The following SNRPN variants were observed in gnomAD, a reference collection of about 807,000 sequenced individuals.
The protein encoded by SNRPN is small nuclear ribonucleoprotein polypeptide N.
SNRPN carries 7 observed loss-of-function variants against 25.2 expected under a neutral mutation model. The observed-to-expected ratio is 0.28, with a 90% CI of 0.16 to 0.52. The LOEUF (loss-of-function observed/expected upper bound fraction) is 0.52, where lower values mean the gene tolerates loss of function less well. SNRPN is among the 20% of genes least tolerant of loss of function. SNRPN has a pLI of 0.96. For missense variants in SNRPN, 196 were observed against 322.5 expected (o/e 0.61, Z 3.00); for synonymous variants, 124 against 110.6 (o/e 1.12, Z -0.76).
intron 2 of SNRPN, among the ~76,000 whole-genome samples, chr15:24,910,567 C>T (rs1291443793): frequency 6.6e-6 from 1 of 152,132 alleles, no homozygotes; most frequent in South Asian, 2.1e-4. Flanking sequence ...TCTCGGCTCA[C>T]TGCAACCTCT....
At chr15:24,893,761 C>G (rs534588029) in intron 2 of SNRPN, among the ~76,000 whole-genome samples, 1 of 151,990 alleles carries the variant, frequency 6.6e-6, no homozygotes, top group East Asian at 1.9e-4. Context: ...TTTCATGGTT[C>G]TTTATCGGTA....
intron 2 of SNRPN, among the ~76,000 whole-genome samples, chr15:24,906,029 AT>A (rs1193743742): frequency 1.3e-5 from 2 of 152,238 alleles, no homozygotes; most frequent in African/African-American, 4.8e-5. Context: ...ATAAGAAAAA[AT>A]AATATCAAAT....
intron 3 of SNRPN, among the ~76,000 whole-genome samples, chr15:24,949,069 T>G (rs1416723327): frequency 1.5e-5 from 2 of 133,202 alleles, no homozygotes; most frequent in East Asian, 4.9e-4. Context: ...TCACCTAGGC[T>G]GGAGTGCAGT....
chr15:24,918,829 TATATAATATATATATGCGCAC>T (rs2059797156), intron 2 of SNRPN, among the ~76,000 whole-genome samples: 1 of 125,992 alleles, frequency 7.9e-6, no homozygotes, highest in African/African-American at 3.0e-5. Flanking sequence ...TGTGCGCATA[TATATAATATATATATGCGCAC>T]ATATATATAA....
intron 3 of SNRPN, among the ~76,000 whole-genome samples, chr15:24,932,824 T>A (rs1484430949): frequency 2.6e-5 from 4 of 151,688 alleles, no homozygotes; most frequent in African/African-American, 9.7e-5. Flanking sequence ...TAATTTTGTA[T>A]TTTTAGTAGA....
intron 1 of SNRPN, among the ~76,000 whole-genome samples, chr15:24,863,547 G>C (rs1434198264): frequency 2.7e-5 from 4 of 150,620 alleles, no homozygotes; most frequent in African/African-American, 1.0e-4. Context: ...ACCATAACAT[G>C]TATTTTGACT....
At chr15:24,907,470 C>T (rs577906876) in intron 2 of SNRPN, among the ~76,000 whole-genome samples, 6 of 152,054 alleles carry the variant, frequency 3.9e-5, no homozygotes, top group East Asian at 1.9e-4. Context: ...TGGTGGCGGT[C>T]GCCTGTAGTC....
At chr15:24,932,648 G>GTT (rs71127027) in intron 3 of SNRPN, among the ~76,000 whole-genome samples, 8,015 of 145,040 alleles carry the variant, frequency 0.055, 285 homozygotes, top group Middle Eastern at 0.11. Flanking sequence ...GTCTGTAAAT[G>GTT]TTTTTTTTTT....
chr15:24,935,918 AGC>A (rs903516398), intron 3 of SNRPN, among the ~76,000 whole-genome samples: 57 of 152,208 alleles, frequency 3.7e-4, no homozygotes, highest in Non-Finnish European at 6.3e-4. Flanking sequence ...GTTCAAGACC[AGC>A]CTGGCCAACA....
At chr15:24,949,076 C>T (rs1334518454) in intron 3 of SNRPN, among the ~76,000 whole-genome samples, 1 of 122,768 alleles carries the variant, frequency 8.1e-6, no homozygotes, top group Non-Finnish European at 1.6e-5. Context: ...GGCTGGAGTG[C>T]AGTGGCGCAA....
chr15:24,931,557 G>T (rs1311429642), intron 3 of SNRPN, among the ~76,000 whole-genome samples: 1 of 151,824 alleles, frequency 6.6e-6, no homozygotes, highest in East Asian at 1.9e-4. Context: ...GACCTAGGCT[G>T]GGCGGGGTGC....
intron 1 of SNRPN, among the ~76,000 whole-genome samples, chr15:24,885,748 G>GTGTGTGTA (rs1555389078): frequency 4.0e-5 from 6 of 150,412 alleles, no homozygotes; most frequent in African/African-American, 1.5e-4. Flanking sequence ...GTGTGTGTGT[G>GTGTGTGTA]TGTGTATGTC....
chr15:24,954,294 GA>G (rs2062506358), upstream of SNRPN, among the ~76,000 whole-genome samples: 1 of 152,170 alleles, frequency 6.6e-6, no homozygotes, highest in Admixed American at 6.5e-5. Flanking sequence ...AATAGGCAAA[GA>G]AAGGCTCTCC....
intron 1 of SNRPN, among the ~76,000 whole-genome samples, chr15:24,829,299 G>A (rs567009143): frequency 6.6e-6 from 1 of 152,218 alleles, no homozygotes; most frequent in South Asian, 2.1e-4. Context: ...TTTCAGGCCT[G>A]GACTGGGTGG....
chr15:24,937,620 T>C (rs1245700764), intron 3 of SNRPN, among the ~76,000 whole-genome samples: 1 of 152,246 alleles, frequency 6.6e-6, no homozygotes, highest in East Asian at 1.9e-4. Context: ...ACTTTTTAAA[T>C]TGTAAAAACA....
At chr15:24,857,513 GAA>G in intron 1 of SNRPN, among the ~76,000 whole-genome samples, 1 of 152,044 alleles carries the variant, frequency 6.6e-6, no homozygotes, top group South Asian at 2.1e-4. Flanking sequence ...TTGTAATAAG[GAA>G]ATTACAGTCC....
At chr15:24,945,991 T>C (rs537257817) in intron 3 of SNRPN, among the ~76,000 whole-genome samples, 1 of 152,342 alleles carries the variant, frequency 6.6e-6, no homozygotes, top group East Asian at 1.9e-4. Flanking sequence ...TGGGCTCCAG[T>C]GCTCAATGTG....
chr15:24,845,313 T>C (rs58134348), intron 2 of SNRPN, among the ~76,000 whole-genome samples: 2,446 of 152,286 alleles, frequency 0.016, 49 homozygotes, highest in African/African-American at 0.047. Flanking sequence ...AAACTTGAAA[T>C]AATGGCCAGG....
At chr15:24,906,675 T>C (rs1421115952) in intron 2 of SNRPN, among the ~76,000 whole-genome samples, 1 of 152,148 alleles carries the variant, frequency 6.6e-6, no homozygotes, top group Non-Finnish European at 1.5e-5. Flanking sequence ...GCTTCCTGCA[T>C]CTATTATCTC....
Sources: gnomAD v4.1 joint callset for allele counts (sites outside exome capture counted in the v4.1 genomes callset) on GRCh38, gnomAD v4.1.1 for gene constraint, MANE v1.5 for transcripts, NCBI Gene and HGNC (gene_info 2026-07-23, HGNC 2026-07-21) for gene names.